Variants in FOXP2 observed in about 807,000 individuals in gnomAD.
FOXP2 encodes the protein forkhead box protein P2.
A neutral mutation model predicts 115.8 loss-of-function variants in FOXP2; 12 were observed. That is an observed-to-expected ratio of 0.10 (90% CI 0.07 to 0.17). The LOEUF is 0.17. FOXP2 is among the 10% of genes least tolerant of loss of function. The probability of loss-of-function intolerance (pLI) is 1.00; values close to 1 mark genes in which losing one functional copy is unlikely to be tolerated. For missense variants in FOXP2, 629 were observed against 843.5 expected, an observed-to-expected ratio of 0.75 and a Z score of 3.15; for synonymous variants, 328 against 297.7, an observed-to-expected ratio of 1.10 and a Z score of -1.05.
intron 2 of FOXP2, among the ~76,000 whole-genome samples, chr7:114,527,538 C>G (rs571777949): frequency 9.2e-5 from 14 of 152,216 alleles, no homozygotes; most frequent in African/African-American, 2.9e-4. Context: ...TTTGCCTTAA[C>G]TATTCACCTA....
chr7:114,481,863 A>C (rs1274424721), intron 2 of FOXP2, among the ~76,000 whole-genome samples: 1 of 151,110 alleles, frequency 6.6e-6, no homozygotes, highest in African/African-American at 2.4e-5. Context: ...CGGTAAATAG[A>C]AAGGCCTGAT....
At chr7:114,435,632 G>A (rs963185964) in intron 2 of FOXP2, among the ~76,000 whole-genome samples, 3 of 152,126 alleles carry the variant, frequency 2.0e-5, no homozygotes, top group Admixed American at 6.5e-5. Context: ...CTGCCTCCCA[G>A]GTTCAAGAGA....
At chr7:114,644,269 A>G (rs1159177208) in intron 7 of FOXP2, among the ~76,000 whole-genome samples, 1 of 152,164 alleles carries the variant, frequency 6.6e-6, no homozygotes, top group East Asian at 1.9e-4. Flanking sequence ...AAATGATCCT[A>G]GAGGTCCATA....
At chr7:114,371,238 G>A (rs1257219706) in intron 2 of FOXP2, among the ~76,000 whole-genome samples, 4 of 144,900 alleles carry the variant, frequency 2.8e-5, no homozygotes, top group African/African-American at 1.0e-4. Flanking sequence ...ATGCCACCAT[G>A]TCCAGCTAAT....
chr7:114,588,974 T>G (rs1802298370), intron 3 of FOXP2, among the ~76,000 whole-genome samples: 1 of 152,204 alleles, frequency 6.6e-6, no homozygotes, highest in Non-Finnish European at 1.5e-5. Flanking sequence ...CTAATTCTAT[T>G]AAGTTCTTCT....
Position 114,277,921 on chromosome 7 carries a change from G to T in FOXP2, c.-101-10098G>T, listed in dbSNP as rs182393221. 4.1e-4 allele frequency among the ~76,000 whole-genome samples: 62 copies of T among 151,674 alleles called. 1 individual carries two copies. The highest frequency in any genetic ancestry group is 3.4e-3 in the Middle Eastern group (1 of 294). On this transcript the variant is annotated intron_variant, in intron 1 of 17. Transcript: ENST00000634411. Reference sequence around the variant, plus strand: ...CATGTGTCTAAAATCCCAGCTACTGGGGAGGCTAAGGCAGGAGAATCACTT... The same window carrying T: ...CATGTGTCTAAAATCCCAGCTACTGTGGAGGCTAAGGCAGGAGAATCACTT...
intron 3 of FOXP2, among the ~76,000 whole-genome samples, chr7:114,595,690 A>C (rs1424145820): frequency 6.6e-5 from 10 of 152,034 alleles, no homozygotes; most frequent in African/African-American, 2.2e-4. Context: ...AAGAATCCAC[A>C]GTGCTAATTC....
At chr7:114,209,349 C>T (rs1794286063) in intron 1 of FOXP2, among the ~76,000 whole-genome samples, 1 of 152,122 alleles carries the variant, frequency 6.6e-6, no homozygotes, top group Non-Finnish European at 1.5e-5. Flanking sequence ...TTGGGTATGT[C>T]GTTATTAGCA....
intron 5 of FOXP2, among the ~76,000 whole-genome samples, chr7:114,631,272 CTT>C (rs1370902165): frequency 6.6e-6 from 1 of 152,056 alleles, no homozygotes; most frequent in African/African-American, 2.4e-5. Flanking sequence ...AAAGCTGAAC[CTT>C]TATTACATAC....
At chr7:114,608,509 C>T (rs1022619128) in intron 3 of FOXP2, among the ~76,000 whole-genome samples, 1 of 152,196 alleles carries the variant, frequency 6.6e-6, no homozygotes, top group African/African-American at 2.4e-5. Context: ...ACAGTAGTCA[C>T]ATCTCATCAC....
intron 2 of FOXP2, among the ~76,000 whole-genome samples, chr7:114,343,970 G>A (rs1052173714): frequency 1.4e-5 from 2 of 148,062 alleles, no homozygotes; most frequent in African/African-American, 4.9e-5. Flanking sequence ...CATGAGAGCA[G>A]GGATTTTTGC....
chr7:114,520,027 G>A (rs563073263), intron 2 of FOXP2, among the ~76,000 whole-genome samples: 20 of 152,116 alleles, frequency 1.3e-4, no homozygotes, highest in African/African-American at 4.8e-4. Context: ...ATTCCTTTGG[G>A]CAGTAGCTTT....
At chr7:114,355,587 T>C (rs1375034002) in intron 2 of FOXP2, among the ~76,000 whole-genome samples, 1 of 152,166 alleles carries the variant, frequency 6.6e-6, no homozygotes, top group Admixed American at 6.6e-5. Flanking sequence ...ATCTGTATTT[T>C]AGTAAACTGA....
chr7:114,090,744 A>T (rs1799525224), intron 1 of FOXP2, among the ~76,000 whole-genome samples: 1 of 151,736 alleles, frequency 6.6e-6, no homozygotes, highest in Admixed American at 6.6e-5. Flanking sequence ...TGTATCTCTT[A>T]GTGTACTTGG....
At chr7:114,155,389 C>A (rs2129149453) in intron 1 of FOXP2, among the ~76,000 whole-genome samples, 1 of 152,222 alleles carries the variant, frequency 6.6e-6, no homozygotes, top group South Asian at 2.1e-4. Flanking sequence ...ACACCAAATT[C>A]CAACGTGACT....
At chr7:114,488,084 C>G (rs539784493) in intron 2 of FOXP2, among the ~76,000 whole-genome samples, 1 of 152,150 alleles carries the variant, frequency 6.6e-6, no homozygotes, top group African/African-American at 2.4e-5. Flanking sequence ...ACTCACAGTT[C>G]CACATGGCTG....
chr7:114,336,309 G>T (rs1797853437), intron 2 of FOXP2, among the ~76,000 whole-genome samples: 1 of 151,440 alleles, frequency 6.6e-6, no homozygotes, highest in Admixed American at 6.6e-5. Flanking sequence ...AAATAATCAT[G>T]CAGGTAAACC....
At chr7:114,573,851 T>C (rs1174981775) in intron 3 of FOXP2, among the ~76,000 whole-genome samples, 1 of 151,826 alleles carries the variant, frequency 6.6e-6, no homozygotes, top group East Asian at 1.9e-4. Context: ...GCCCAAATTA[T>C]CTCAAGGAAA....
chr7:114,662,423 T>C (rs1249133968), intron 14 of FOXP2, among the ~76,000 whole-genome samples: 2 of 152,082 alleles, frequency 1.3e-5, no homozygotes, highest in African/African-American at 2.4e-5. Flanking sequence ...ATTCAGCATT[T>C]CTACGTGTAT....
Sources: allele counts gnomAD v4.1 joint callset (sites outside exome capture counted in the v4.1 genomes callset), GRCh38; gene constraint gnomAD v4.1.1; transcripts MANE v1.5; gene names NCBI Gene and HGNC (gene_info 2026-07-23, HGNC 2026-07-21).